The following PHACTR1 variants were observed in gnomAD, a reference collection of about 807,000 sequenced individuals.
The protein encoded by PHACTR1 is RPEL repeat containing 1.
In PHACTR1, 16 loss-of-function variants were observed where a neutral mutation model predicts 69.2. The observed-to-expected ratio is 0.23, with a 90% CI of 0.16 to 0.35. PHACTR1 has a LOEUF of 0.35. Ranked by LOEUF, PHACTR1 falls within the 10% of genes least tolerant of loss-of-function variation. The pLI is 1.00. For missense variants in PHACTR1, 510 were observed against 734.7 expected (o/e 0.69, Z 3.54); for synonymous variants, 312 against 284.5 (o/e 1.10, Z -0.97).
intron 3 of PHACTR1, among the ~76,000 whole-genome samples, chr6:12,749,106 C>G (rs1766186071): frequency 6.6e-6 from 1 of 152,244 alleles, no homozygotes; most frequent in Admixed American, 6.5e-5. Context: ...TAACTCCACG[C>G]ACGGAGCTGG....
At chr6:12,853,241 C>T (rs1373753451) in intron 4 of PHACTR1, among the ~76,000 whole-genome samples, 3 of 152,288 alleles carry the variant, frequency 2.0e-5, no homozygotes, top group East Asian at 1.9e-4. Context: ...GGTAAACCTA[C>T]GTCACATGTG....
intron 4 of PHACTR1, among the ~76,000 whole-genome samples, chr6:12,975,179 G>A (rs917129457): frequency 6.6e-6 from 1 of 152,160 alleles, no homozygotes; most frequent in African/African-American, 2.4e-5. Flanking sequence ...GAAAGCCCAC[G>A]GCCTGTGTTT....
intron 4 of PHACTR1, among the ~76,000 whole-genome samples, chr6:12,805,896 C>T (rs141292547): frequency 5.9e-5 from 9 of 152,226 alleles, no homozygotes; most frequent in South Asian, 2.1e-4. Context: ...CCACCATGCC[C>T]GGCCTATTTT....
At chr6:12,912,837 C>A (rs967512420) in intron 4 of PHACTR1, among the ~76,000 whole-genome samples, 3 of 152,044 alleles carry the variant, frequency 2.0e-5, no homozygotes, top group Non-Finnish European at 4.4e-5. Context: ...GCCTGTAGCC[C>A]CAGCTACTCA....
chr6:13,197,753 C>T (rs554826299), intron 7 of PHACTR1, among the ~76,000 whole-genome samples: 8 of 152,246 alleles, frequency 5.3e-5, no homozygotes, highest in African/African-American at 1.4e-4. Flanking sequence ...GACATTCTGC[C>T]CTCGGCCCAC....
chr6:13,184,802 C>G, intron 7 of PHACTR1: 1 of 1,366,566 alleles, frequency 7.3e-7, no homozygotes, highest in Non-Finnish European at 9.8e-7. Flanking sequence ...CCCTCAGTGT[C>G]TGAAGAGAGT....
chr6:13,034,507 A>C (rs951839354), intron 4 of PHACTR1, among the ~76,000 whole-genome samples: 1 of 152,144 alleles, frequency 6.6e-6, no homozygotes, highest in Admixed American at 6.5e-5. Flanking sequence ...TCTCTTAGAG[A>C]GCTGAGAAAG....
intron 5 of PHACTR1, among the ~76,000 whole-genome samples, chr6:13,157,931 G>A (rs537342625): frequency 3.2e-4 from 49 of 152,098 alleles, no homozygotes; most frequent in African/African-American, 1.0e-3. Context: ...TGCCCAGGCT[G>A]GAGTGCAGTG....
At chr6:12,837,751 G>A (rs1395483155) in intron 4 of PHACTR1, among the ~76,000 whole-genome samples, 1 of 152,236 alleles carries the variant, frequency 6.6e-6, no homozygotes, top group African/African-American at 2.4e-5. Flanking sequence ...ATTATTGGGA[G>A]TGCTACAGAG....
rs184546880 is a variant in PHACTR1 at position 12,835,416 on chromosome 6, G to A, written c.250+85626G>A. Among the ~76,000 whole-genome samples the A allele has an allele frequency of 2.8e-3, 419 of 152,112 alleles. 13 individuals carry two copies. In the South Asian group the frequency reaches 0.054, roughly 19 times the overall value. The stretch of plus-strand genomic sequence containing the variant: ...ACTGTTGCAGTACGACAGGCCTGAA[G>A]GATTTGACCTTGAGAAGAAAGGCCG... On this transcript the variant is annotated intron_variant, in intron 4 of 14. Transcript: ENST00000332995.
chr6:13,008,723 C>G (rs1014335041), intron 4 of PHACTR1, among the ~76,000 whole-genome samples: 3 of 152,218 alleles, frequency 2.0e-5, no homozygotes, highest in Admixed American at 6.5e-5. Context: ...ACTTTTTAAC[C>G]TTGTTCTTAA....
At chr6:13,138,080 T>C (rs1401927641) in intron 5 of PHACTR1, among the ~76,000 whole-genome samples, 1 of 152,318 alleles carries the variant, frequency 6.6e-6, no homozygotes. Flanking sequence ...AGCTCAACTT[T>C]ATGGAAACTA....
At chr6:13,120,378 A>G (rs932510092) in intron 5 of PHACTR1, among the ~76,000 whole-genome samples, 7 of 152,098 alleles carry the variant, frequency 4.6e-5, no homozygotes, top group Non-Finnish European at 7.4e-5. Flanking sequence ...CCAAACCCAC[A>G]CTGCTGAGAT....
intron 10 of PHACTR1, among the ~76,000 whole-genome samples, chr6:13,251,828 GA>G (rs1774454638): frequency 6.6e-6 from 1 of 152,060 alleles, no homozygotes; most frequent in Non-Finnish European, 1.5e-5. Context: ...GCTGAGGCAG[GA>G]GGATTGCTTG....
At chr6:13,278,001 G>A in intron 11 of PHACTR1, 1 of 238,560 alleles carries the variant, frequency 4.2e-6, no homozygotes. Flanking sequence ...TCTCAACCCA[G>A]CATCTCTGCC....
intron 5 of PHACTR1, among the ~76,000 whole-genome samples, chr6:13,109,457 C>A (rs1049455508): frequency 4.0e-5 from 6 of 151,864 alleles, no homozygotes; most frequent in Non-Finnish European, 7.4e-5. Context: ...CTTATTCACT[C>A]ATTGCCTTCT....
chr6:13,236,290 C>T (rs1204435295), intron 10 of PHACTR1, among the ~76,000 whole-genome samples: 4 of 152,168 alleles, frequency 2.6e-5, no homozygotes, highest in Non-Finnish European at 4.4e-5. Flanking sequence ...GACCACTCAC[C>T]TATGATTATT....
chr6:13,200,707 G>A (rs539589260), intron 7 of PHACTR1, among the ~76,000 whole-genome samples: 26 of 151,918 alleles, frequency 1.7e-4, no homozygotes, highest in Non-Finnish European at 2.1e-4. Context: ...GCCGGGGTGG[G>A]TGGATCACCT....
chr6:13,141,724 C>CTTTTTTTTTTTTTTTTTTTTTTTTTTTTT (rs577073698), intron 5 of PHACTR1, among the ~76,000 whole-genome samples: 3 of 89,828 alleles, frequency 3.3e-5, no homozygotes, highest in Admixed American at 1.2e-4. Flanking sequence ...TTTCTTCTTT[C>CTTTTTTTTTTTTTTTTTTTTTTTTTTTTT]TTTTTTTTTT....
Sources: gnomAD v4.1 joint callset for allele counts (sites outside exome capture counted in the v4.1 genomes callset) on GRCh38, gnomAD v4.1.1 for gene constraint, MANE v1.5 for transcripts, NCBI Gene and HGNC (gene_info 2026-07-23, HGNC 2026-07-21) for gene names.